Variants in BTBD9 observed in about 807,000 individuals in gnomAD.
BTBD9 encodes BTB domain containing 9, also known as BTB/POZ domain-containing protein 9.
In BTBD9, 49 loss-of-function variants were observed where a neutral mutation model predicts 64.3. The ratio of observed to expected loss-of-function variants is 0.76; its 90% CI spans 0.61 to 0.97. BTBD9 has a LOEUF of 0.97. BTBD9 is among the 50% of genes least tolerant of loss of function. The probability of loss-of-function intolerance (pLI) is 0.00; values close to 1 mark genes in which losing one functional copy is unlikely to be tolerated. For synonymous variants in BTBD9, 260 were observed against 274.7 expected (o/e 0.95, Z 0.53); for missense variants, 598 against 762.1 (o/e 0.78, Z 2.53).
At chr6:38,209,239 G>T (rs1762753613) in intron 9 of BTBD9, among the ~76,000 whole-genome samples, 1 of 152,154 alleles carries the variant, frequency 6.6e-6, no homozygotes, top group African/African-American at 2.4e-5. Context: ...GTCCAAGGAG[G>T]TGGCCGAGTG....
Position 38,371,647 on chromosome 6 carries a change from C to T in BTBD9, c.1155-26554G>A, listed in dbSNP as rs531053320. 3.3e-5 allele frequency among the ~76,000 whole-genome samples: 5 copies of T among 152,328 alleles called. No homozygotes were observed. In the East Asian group the frequency reaches 9.6e-4, roughly 29 times the overall value. On this transcript the variant is annotated intron_variant, in intron 6 of 10. Coordinates refer to ENST00000481247, the MANE Select transcript of BTBD9 (RefSeq NM_001099272.2). ...TGTTTTCCTAAAGCAATAGACTCTACTGTCCACCTTCTGTAAATAATAAAT... is the reference window on the plus strand; with the variant it reads ...TGTTTTCCTAAAGCAATAGACTCTATTGTCCACCTTCTGTAAATAATAAAT...
chr6:38,281,133 T>G (rs1377761789), intron 8 of BTBD9, among the ~76,000 whole-genome samples: 1 of 152,216 alleles, frequency 6.6e-6, no homozygotes, highest in African/African-American at 2.4e-5. Context: ...AAGCCTTCAT[T>G]TGGCTATTAA....
At chr6:38,330,034 T>C (rs1469445822) in intron 7 of BTBD9, among the ~76,000 whole-genome samples, 1 of 150,508 alleles carries the variant, frequency 6.6e-6, no homozygotes, top group Non-Finnish European at 1.5e-5. Context: ...GGATGGTACA[T>C]GTTTCCTTTT....
Position 38,465,749 on chromosome 6 carries a change from ATATATATG to A in BTBD9, c.1154+111843_1154+111850del, listed in dbSNP as rs1161132924. ...TATATATATATATATATATATATAT[ATATATATG>A]TATGTATGTATGTATTTCAGTTATT... On this transcript the variant is annotated intron_variant, in intron 6 of 10. Transcript: ENST00000481247. 2.3e-3 allele frequency among the ~76,000 whole-genome samples: 88 copies of A among 38,474 alleles called. No homozygotes were observed. In the East Asian group the frequency reaches 0.058, roughly 25 times the overall value. 25.2% of individuals were successfully genotyped at this position (38,474 alleles called of 152,430 possible).
chr6:38,399,721 T>G (rs770596792), intron 6 of BTBD9, among the ~76,000 whole-genome samples: 65 of 152,194 alleles, frequency 4.3e-4, no homozygotes, highest in Non-Finnish European at 8.5e-4. Context: ...GCCATCTGAC[T>G]ATGTTCTGAT....
At chr6:38,626,089 C>T (rs1484696763) in intron 1 of BTBD9, among the ~76,000 whole-genome samples, 1 of 152,184 alleles carries the variant, frequency 6.6e-6, no homozygotes, top group Non-Finnish European at 1.5e-5. Context: ...AAGCCAATGT[C>T]CCCAGAGTTG....
intron 6 of BTBD9, among the ~76,000 whole-genome samples, chr6:38,406,811 C>T (rs192815085): frequency 4.6e-5 from 7 of 152,332 alleles, no homozygotes; most frequent in African/African-American, 1.7e-4. Context: ...GACCACAGTG[C>T]ACTGCCGCCT....
At chr6:38,286,405 G>T (rs1761729138) in intron 8 of BTBD9, among the ~76,000 whole-genome samples, 1 of 152,064 alleles carries the variant, frequency 6.6e-6, no homozygotes, top group Admixed American at 6.5e-5. Flanking sequence ...TTTCAAATGA[G>T]AACAGGAAAC....
At chr6:38,424,586 G>A (rs1364205175) in intron 6 of BTBD9, among the ~76,000 whole-genome samples, 4 of 151,496 alleles carry the variant, frequency 2.6e-5, no homozygotes, top group South Asian at 2.1e-4. Context: ...GCATGATCTC[G>A]ACTCATTGCA....
chr6:38,242,116 A>C (rs543163818), intron 9 of BTBD9, among the ~76,000 whole-genome samples: 1 of 152,332 alleles, frequency 6.6e-6, no homozygotes, highest in East Asian at 1.9e-4. Context: ...TTGTATCCAT[A>C]GTCTTCATCA....
In BTBD9 at chr6:38,172,061, C is replaced by T. The variant is rs1766814976; in HGVS notation, c.*2924G>A. 6.6e-6 allele frequency: 1 copy of T among 152,122 alleles called. No homozygotes were observed. The highest frequency in any genetic ancestry group is 2.4e-5 in the African/African-American group (1 of 41,388). The allele number at this position is 152,122 out of a possible 1,614,324, so 9.4% of individuals were successfully genotyped here. ...GCACCCACCTGTCAGCCTCACCTGC[C>T]ACCTCTCTCCATGTTGGCTTGTTGC... On this transcript the variant is annotated 3_prime_UTR_variant, in exon 11 of 11. Transcript: ENST00000481247.
intron 8 of BTBD9, among the ~76,000 whole-genome samples, chr6:38,262,636 ACT>A (rs1383476829): frequency 2.6e-5 from 4 of 151,418 alleles, no homozygotes; most frequent in African/African-American, 7.3e-5. Flanking sequence ...TGTTTTCAAA[ACT>A]CTTTTCTTTG....
intron 9 of BTBD9, among the ~76,000 whole-genome samples, chr6:38,205,643 AG>A (rs1762612688): frequency 6.6e-6 from 1 of 151,960 alleles, no homozygotes; most frequent in Admixed American, 6.6e-5. Context: ...CTTAAGATAA[AG>A]AAAGTTATGG....
intron 7 of BTBD9, among the ~76,000 whole-genome samples, chr6:38,288,903 G>C (rs1761855698): frequency 6.6e-6 from 1 of 152,016 alleles, no homozygotes; most frequent in African/African-American, 2.4e-5. Flanking sequence ...CTCCAGCCTG[G>C]GTGACAGAGC....
intron 9 of BTBD9, among the ~76,000 whole-genome samples, chr6:38,205,416 T>C (rs4714129): frequency 0.82 from 125,310 of 152,108 alleles, 51,764 homozygotes; most frequent in East Asian, 0.97. Context: ...CACTTCCTTC[T>C]AAATGCTGAG....
At chr6:38,593,874 T>A in intron 3 of BTBD9, 90 bp downstream of exon 3, 2 of 1,186,222 alleles carry the variant, frequency 1.7e-6, no homozygotes, top group Admixed American at 4.6e-5. Flanking sequence ...TGATTTTTTT[T>A]ATTATTCTTA....
At chr6:38,245,527 T>G (rs1290849072) in intron 9 of BTBD9, among the ~76,000 whole-genome samples, 1 of 150,538 alleles carries the variant, frequency 6.6e-6, no homozygotes, top group Admixed American at 6.6e-5. Context: ...GCAGAGGGAG[T>G]ATGGAGAGGC....
At chr6:38,606,235 A>G (rs1777427921) in intron 1 of BTBD9, among the ~76,000 whole-genome samples, 1 of 152,248 alleles carries the variant, frequency 6.6e-6, no homozygotes, top group East Asian at 1.9e-4. Context: ...CAGAGGGCCT[A>G]TTGTGGGACT....
chr6:38,199,098 C>T (rs1762369674), intron 9 of BTBD9, among the ~76,000 whole-genome samples: 2 of 152,180 alleles, frequency 1.3e-5, no homozygotes, highest in African/African-American at 2.4e-5. Flanking sequence ...GGACAACCAT[C>T]CCTTCACCTT....
Sources: allele counts gnomAD v4.1 joint callset (sites outside exome capture counted in the v4.1 genomes callset), GRCh38; gene constraint gnomAD v4.1.1; transcripts MANE v1.5; gene names NCBI Gene and HGNC (gene_info 2026-07-23, HGNC 2026-07-21).